Variants in WDR4 observed in about 807,000 individuals in gnomAD.
WDR4 encodes tRNA (guanine-N(7)-)-methyltransferase non-catalytic subunit WDR4.
Under a neutral mutation model 48.6 loss-of-function variants are expected in WDR4, and 47 were observed. That is an observed-to-expected ratio of 0.97 (90% CI 0.77 to 1.23). The LOEUF is 1.23. Ranked by LOEUF, WDR4 falls within the 50% of genes most tolerant of loss-of-function variation. The probability of loss-of-function intolerance (pLI) is 0.00; values close to 1 mark genes in which losing one functional copy is unlikely to be tolerated. For missense variants in WDR4, 606 were observed against 551.6 expected (o/e 1.10, Z -0.99); for synonymous variants, 268 against 230.0 (o/e 1.17, Z -1.49).
In WDR4 at chr21:42,863,976, G is replaced by A. The variant is rs375801487; in HGVS notation, c.297-380C>T. Among the ~76,000 whole-genome samples the A allele has an allele frequency of 2.6e-4, 21 of 82,168 alleles. 3 individuals carry two copies. The highest frequency in any genetic ancestry group is 2.5e-3 in the East Asian group (11 of 4,350). The allele number at this position is 82,168 out of a possible 152,430, so 53.9% of individuals were successfully genotyped here. On this transcript the variant is annotated intron_variant, in intron 3 of 10. Transcript: ENST00000398208. The stretch of plus-strand genomic sequence containing the variant: ...CAAAAAATTAGCCAGGCGTGGTGGC[G>A]GGCGCCTGTAGTCCCAGCTACTCGG...
intron 9 of WDR4, 47 bp downstream of exon 9, chr21:42,853,521 CT>C (rs1411375211): frequency 3.4e-5 from 54 of 1,570,010 alleles, no homozygotes; most frequent in Non-Finnish European, 4.7e-5. Flanking sequence ...CACCCCCAGG[CT>C]TATGGAAAGG....
chr21:42,874,500 G>A (rs932416958), intron 2 of WDR4, among the ~76,000 whole-genome samples: 1 of 152,294 alleles, frequency 6.6e-6, no homozygotes, highest in East Asian at 1.9e-4. Flanking sequence ...TGAGCCAGGC[G>A]GAACAGAGCC....
rs138524513 is a variant in WDR4, at chr21:42,850,241, G to A, written c.1047C>T (p.Gly349=). Residue 349 remains glycine (G), a splice_region_variant and synonymous_variant, in exon 11 of 11, where the codon GGC becomes GGT. Coordinates refer to ENST00000398208, the MANE Select transcript of WDR4 (RefSeq NM_018669.6). ...TGAAGCTGGCGTCTGCGCCGGCAGA[G>A]CCTGTGATGGGGGAACAAGGACAGG... ...VLRGNWAMLE[G]SAGADASFSS... 2.2e-5 allele frequency: 35 copies of A among 1,589,586 alleles called. No individual in the cohort carries two copies. The highest frequency in any genetic ancestry group is 1.5e-4 in the African/African-American group (11 of 73,828).
downstream of WDR4, among the ~76,000 whole-genome samples, chr21:42,848,168 C>T (rs1485879973): frequency 4.6e-5 from 7 of 152,212 alleles, no homozygotes; most frequent in Non-Finnish European, 1.0e-4. Context: ...ACATCATAGT[C>T]ATCGCCAGCA....
chr21:42,845,855 G>A (rs901351076), downstream of WDR4, among the ~76,000 whole-genome samples: 7 of 152,188 alleles, frequency 4.6e-5, no homozygotes, highest in East Asian at 1.9e-4. Context: ...GGTGCTGGCC[G>A]GGGGCAGTGG....
At chr21:42,880,352 C>T (rs925792455), upstream of WDR4, among the ~76,000 whole-genome samples, 5 of 152,164 alleles carry the variant, frequency 3.3e-5, no homozygotes. Flanking sequence ...CAGCATCAGG[C>T]ACAAAATCTA....
rs891623179 is a variant in WDR4, at chr21:42,863,290, T to C, written c.453+150A>G. The C allele has an allele frequency of 6.3e-6, 6 of 957,202 alleles. No homozygotes were observed. In the African/African-American group the frequency reaches 1.0e-4, roughly 16 times the overall value. 59.3% of individuals were successfully genotyped at this position (957,202 alleles called of 1,614,324 possible). A position where few individuals can be genotyped will look rare whatever the true frequency, so the allele number is the denominator to read the frequency against. ...GATTCAGCCTGTACCCCACATACCA[T>C]GTCCCCCACGTACTGCGTCTAACAG... On this transcript the variant is annotated intron_variant, in intron 4 of 10. Transcript: ENST00000398208.
rs183988030 is a variant in WDR4, at chr21:42,862,980, G to A, written c.453+460C>T. 6.9e-4 allele frequency among the ~76,000 whole-genome samples: 105 copies of A among 152,314 alleles called. No homozygotes were observed. The highest frequency in any genetic ancestry group is 2.4e-3 in the African/African-American group (100 of 41,572). ...GGTGACAGGGGCTGCTGGGAGCAGT[G>A]CTGAGGTGATGCTCCTACAGCACCT... is the stretch of plus-strand genomic sequence containing the variant. On this transcript the variant is annotated intron_variant, in intron 4 of 10. Coordinates refer to ENST00000398208, the MANE Select transcript of WDR4 (RefSeq NM_018669.6). This position sits in a 1 kb window ranked among gnomAD's most constrained non-coding sequence, Gnocchi z 4.3.
downstream of WDR4, among the ~76,000 whole-genome samples, chr21:42,848,978 C>T (rs575258945): frequency 1.4e-5 from 2 of 142,406 alleles, no homozygotes; most frequent in Non-Finnish European, 3.0e-5. Flanking sequence ...TCACAGCACA[C>T]GATCACGCAG....
Position 42,853,585 on chromosome 21 carries a change from A to G in WDR4, c.959T>C (p.Val320Ala). 6.2e-7 allele frequency: 1 copy of G among 1,610,272 alleles called. No individual in the cohort carries two copies. Among genetic ancestry groups the G allele is most frequent in the Non-Finnish European group, 8.5e-7 (1 of 1,178,778 alleles). The change falls in exon 9 of 11, where the codon GTG becomes GCG. Residue 320 changes from valine to alanine, a missense_variant. Transcript: ENST00000398208. Reference protein sequence around the residue: ...QEAPLVLYRPVGDQWQSVPES... With the variant: ...QEAPLVLYRPAGDQWQSVPES... ...GAGTCTCACCTGCCACTGGTCGCCC[A>G]CAGGCCTGTAGAGCACCAGGGGGGC...
At chr21:42,864,415 C>T (rs375772890) in intron 3 of WDR4, among the ~76,000 whole-genome samples, 6 of 152,168 alleles carry the variant, frequency 3.9e-5, no homozygotes, top group South Asian at 2.1e-4. Flanking sequence ...CGTTCTGCTG[C>T]GTCGAACCAG....
intron 3 of WDR4, among the ~76,000 whole-genome samples, chr21:42,873,098 A>G (rs2058408812): frequency 2.0e-5 from 3 of 152,114 alleles, no homozygotes; most frequent in Admixed American, 2.0e-4. Context: ...ACTCAGACAT[A>G]TGTGCACTAA....
At chr21:42,870,794 TA>T (rs1319994396) in intron 3 of WDR4, among the ~76,000 whole-genome samples, 17 of 147,902 alleles carry the variant, frequency 1.1e-4, no homozygotes, top group Admixed American at 2.7e-4. Context: ...CGTCTCAAAT[TA>T]AAAAAAAAAA....
At chr21:42,872,847 G>C (rs1313425894) in intron 3 of WDR4, among the ~76,000 whole-genome samples, 1 of 152,168 alleles carries the variant, frequency 6.6e-6, no homozygotes, top group East Asian at 1.9e-4. Flanking sequence ...TGAGGCAGGA[G>C]AATCACTTGA....
chr21:42,856,345 T>G (rs1349398192), intron 6 of WDR4, among the ~76,000 whole-genome samples: 1 of 152,202 alleles, frequency 6.6e-6, no homozygotes, highest in African/African-American at 2.4e-5. Flanking sequence ...AAAACCATCA[T>G]CAATGGAAAA....
In WDR4 at chr21:42,862,793, C is replaced by G. The variant is rs2058150101; in HGVS notation, c.454-399G>C. ...CTGTCACACATGTCCCCACACCCAT[C>G]TGTCACCAAGTCCCAGTGAGGTTCC... On this transcript the variant is annotated intron_variant, in intron 4 of 10. Coordinates refer to ENST00000398208, the MANE Select transcript of WDR4 (RefSeq NM_018669.6). The surrounding 1 kb of genome is among the most constrained non-coding windows in gnomAD (Gnocchi z 4.3). Among the ~76,000 whole-genome samples, 1 of 152,216 alleles carries G rather than the reference C, an allele frequency of 6.6e-6. No individual in the cohort carries two copies. The highest frequency in any genetic ancestry group is 2.1e-4 in the South Asian group (1 of 4,830).
the WDR4 span, among the ~76,000 whole-genome samples, chr21:42,889,062 T>C: frequency 6.1e-5 from 9 of 147,418 alleles, no homozygotes; most frequent in African/African-American, 2.3e-4. Flanking sequence ...AATCTATATA[T>C]ATATAGATTG....
intron 10 of WDR4, among the ~76,000 whole-genome samples, chr21:42,851,766 T>A (rs891092723): frequency 4.5e-4 from 68 of 152,182 alleles, no homozygotes; most frequent in African/African-American, 1.4e-3. Flanking sequence ...CTCAGCTGAG[T>A]GTTCCTGTCA....
chr21:42,889,708 G>C, the WDR4 span, among the ~76,000 whole-genome samples: 2 of 152,080 alleles, frequency 1.3e-5, no homozygotes, highest in Non-Finnish European at 2.9e-5. Context: ...CTTTTACCCA[G>C]AATTACTACA....
Sources: allele counts gnomAD v4.1 joint callset (sites outside exome capture counted in the v4.1 genomes callset), GRCh38; gene constraint gnomAD v4.1.1; non-coding constraint Gnocchi (gnomAD v3.1); transcripts MANE v1.5; gene names NCBI Gene and HGNC (gene_info 2026-07-23, HGNC 2026-07-21).